Variants in DEPTOR observed in about 807,000 individuals in gnomAD.
DEPTOR encodes DEP domain containing MTOR interacting protein, also known as DEP domain-containing mTOR-interacting protein.
DEPTOR carries 41 observed loss-of-function variants against 41.6 expected under a neutral mutation model. The observed-to-expected ratio is 0.98, with a 90% CI of 0.77 to 1.28. The LOEUF (loss-of-function observed/expected upper bound fraction) is 1.28, where lower values mean the gene tolerates loss of function less well. Among genes scored for constraint, DEPTOR ranks in the 50% most tolerant of loss-of-function variants. The pLI, the probability that DEPTOR is intolerant of heterozygous loss-of-function variation, is 0.00. For synonymous variants in DEPTOR, 195 were observed against 192.3 expected (o/e 1.01, Z -0.12); for missense variants, 514 against 527.9 (o/e 0.97, Z 0.26).
At chr8:120,009,171 C>T (rs758084166) in intron 8 of DEPTOR, 38 bp downstream of exon 8, 9 of 1,565,994 alleles carry the variant, frequency 5.7e-6, no homozygotes, top group African/African-American at 1.4e-5. Context: ...TTATATCTGT[C>T]TTGGGTTCTT....
chr8:119,934,293 T>C (rs77270785), intron 3 of DEPTOR, among the ~76,000 whole-genome samples: 1 of 152,330 alleles, frequency 6.6e-6, no homozygotes, highest in African/African-American at 2.4e-5. Flanking sequence ...TTAGTATGTA[T>C]GTCACTCTAG....
At chr8:120,035,563 CCTT>C (rs774320047) in intron 8 of DEPTOR, among the ~76,000 whole-genome samples, 13 of 152,060 alleles carry the variant, frequency 8.5e-5, no homozygotes, top group Non-Finnish European at 1.5e-4. Context: ...GTAAATTTTG[CCTT>C]CTTTTCAGCA....
chr8:119,904,801 ATTTT>A (rs1462344106), intron 1 of DEPTOR, among the ~76,000 whole-genome samples: 2 of 151,120 alleles, frequency 1.3e-5, no homozygotes, highest in Non-Finnish European at 3.0e-5. Flanking sequence ...CCCCGCCTTT[ATTTT>A]TAAGAGACCA....
At position 119,965,332 on chromosome 8, in the gene DEPTOR, C is replaced by T. The variant is rs1413691863; in HGVS notation, c.526C>T (p.Gln176Ter). The change falls in exon 4 of 9, where the codon CAG becomes TAG. Residue 176 changes from glutamine (Q) to a stop codon, truncating the protein, a stop_gained. Transcript: ENST00000286234. LOFTEE classifies it high-confidence loss of function. ...ATCTGAATTCCTGGACTGGCTGGTT[C>T]AGGAAGGTGAGGCCACCACGAGGAA... is the stretch of plus-strand genomic sequence containing the variant. ...MASEFLDWLV[Q>*]EGEATTRKEA... 6.2e-7 allele frequency: 1 copy of T among 1,614,012 alleles called. No individual in the cohort carries two copies.
At chr8:120,024,358 G>A (rs1244263970) in intron 8 of DEPTOR, among the ~76,000 whole-genome samples, 1 of 152,156 alleles carries the variant, frequency 6.6e-6, no homozygotes, top group Non-Finnish European at 1.5e-5. Context: ...GGGAATCTGG[G>A]AAATGTAGAA....
rs754525841 is a variant in DEPTOR, at chr8:120,009,142, G to A, written c.1101+9G>A. 1.6e-5 allele frequency: 25 copies of A among 1,611,716 alleles called. No homozygotes were observed. The highest frequency in any genetic ancestry group is 2.2e-5 in the South Asian group (2 of 90,552). Reference sequence around the variant, plus strand: ...CCGCAGCAGGAATGAAGGTACTAACGGGTCTTTCTCACCCTCTTTTATATC... The same window carrying A: ...CCGCAGCAGGAATGAAGGTACTAACAGGTCTTTCTCACCCTCTTTTATATC... On this transcript the variant is annotated intron_variant, in intron 8 of 8. Transcript: ENST00000286234.
At chr8:119,875,017 T>A (rs375176040) in intron 1 of DEPTOR, among the ~76,000 whole-genome samples, 2 of 151,808 alleles carry the variant, frequency 1.3e-5, no homozygotes, top group East Asian at 3.9e-4. Context: ...CTTGCAAAGG[T>A]CTCTGAAGGA....
intron 8 of DEPTOR, among the ~76,000 whole-genome samples, chr8:120,037,540 C>T (rs1431814085): frequency 6.6e-6 from 1 of 152,110 alleles, no homozygotes; most frequent in African/African-American, 2.4e-5. Context: ...GAAGCATTGT[C>T]ACCGTGGGTA....
At chr8:119,891,594 C>G (rs1827452797) in intron 1 of DEPTOR, among the ~76,000 whole-genome samples, 1 of 152,176 alleles carries the variant, frequency 6.6e-6, no homozygotes, top group African/African-American at 2.4e-5. Flanking sequence ...ATCATGCTCA[C>G]TCCTTCACCC....
chr8:120,034,915 A>G (rs1812957848), intron 8 of DEPTOR, among the ~76,000 whole-genome samples: 1 of 152,226 alleles, frequency 6.6e-6, no homozygotes, highest in African/African-American at 2.4e-5. Context: ...TAATTGGGCA[A>G]AAGATTCTTA....
chr8:120,005,469 G>C (rs554447919), intron 6 of DEPTOR, among the ~76,000 whole-genome samples: 1 of 152,320 alleles, frequency 6.6e-6, no homozygotes, highest in African/African-American at 2.4e-5. Context: ...AGGTCCAGCT[G>C]CCTGGTAGAT....
chr8:119,889,873 G>C (rs1166237224), intron 1 of DEPTOR, among the ~76,000 whole-genome samples: 1 of 152,142 alleles, frequency 6.6e-6, no homozygotes, highest in Non-Finnish European at 1.5e-5. Flanking sequence ...GTCTTCTCAT[G>C]ACTTTTAGAT....
chr8:119,890,084 C>T (rs995243415), intron 1 of DEPTOR, among the ~76,000 whole-genome samples: 36 of 151,972 alleles, frequency 2.4e-4, no homozygotes, highest in Non-Finnish European at 5.3e-4. Context: ...CGTGCCTCAG[C>T]CTCCTGAGAA....
chr8:120,024,726 G>C (rs1345469384), intron 8 of DEPTOR, among the ~76,000 whole-genome samples: 2 of 152,132 alleles, frequency 1.3e-5, no homozygotes, highest in Admixed American at 6.6e-5. Flanking sequence ...CCATCAGAGG[G>C]AGCATGGCCT....
At chr8:120,026,775 C>T (rs1249128628) in intron 8 of DEPTOR, among the ~76,000 whole-genome samples, 3 of 152,204 alleles carry the variant, frequency 2.0e-5, no homozygotes, top group Non-Finnish European at 4.4e-5. Context: ...ATGAAATAGA[C>T]TCACTTCAGG....
chr8:119,902,935 G>A (rs908740122), intron 1 of DEPTOR, among the ~76,000 whole-genome samples: 7 of 152,056 alleles, frequency 4.6e-5, no homozygotes, highest in Non-Finnish European at 7.3e-5. Context: ...TTTTAGACAC[G>A]AAAGAACCTG....
intron 4 of DEPTOR, among the ~76,000 whole-genome samples, chr8:119,990,342 A>G (rs1269871479): frequency 3.3e-5 from 5 of 152,062 alleles, no homozygotes; most frequent in Non-Finnish European, 5.9e-5. Flanking sequence ...TATTTTTAGT[A>G]GAGACGGGGT....
At chr8:119,916,030 C>T (rs1037658265) in intron 1 of DEPTOR, among the ~76,000 whole-genome samples, 7 of 150,598 alleles carry the variant, frequency 4.6e-5, no homozygotes, top group Non-Finnish European at 7.4e-5. Context: ...CTCATTTAAT[C>T]CTCTCAATAA....
intron 8 of DEPTOR, among the ~76,000 whole-genome samples, chr8:120,032,892 C>T (rs1170155383): frequency 6.6e-6 from 1 of 152,104 alleles, no homozygotes; most frequent in Non-Finnish European, 1.5e-5. Context: ...AAAAGCTCCA[C>T]CTTCTTATTT....
Sources: gnomAD v4.1 joint callset for allele counts (sites outside exome capture counted in the v4.1 genomes callset) on GRCh38, gnomAD v4.1.1 for gene constraint, MANE v1.5 for transcripts, NCBI Gene and HGNC (gene_info 2026-07-23, HGNC 2026-07-21) for gene names.